SIPA1L2: variants seen among roughly 807,000 people sequenced by gnomAD.
SIPA1L2 encodes the protein signal-induced proliferation-associated 1-like protein 2.
SIPA1L2 carries 56 observed loss-of-function variants against 163.9 expected under a neutral mutation model. The observed-to-expected ratio is 0.34, with a 90% CI of 0.28 to 0.43. The LOEUF (loss-of-function observed/expected upper bound fraction) is 0.43, where lower values mean the gene tolerates loss of function less well. SIPA1L2 is among the 20% of genes least tolerant of loss of function. The pLI is 1.00. For missense variants in SIPA1L2, 1,974 were observed against 2,193.5 expected, an observed-to-expected ratio of 0.90 and a Z score of 2.00; for synonymous variants, 877 against 865.7, an observed-to-expected ratio of 1.01 and a Z score of -0.23.
At chr1:232,560,996 T>C (rs2102744548) in intron 2 of SIPA1L2, among the ~76,000 whole-genome samples, 1 of 152,356 alleles carries the variant, frequency 6.6e-6, no homozygotes, top group Middle Eastern at 3.4e-3. Flanking sequence ...CAATATTTAT[T>C]AAGAATCTAC....
At chr1:232,588,916 CAAT>C (rs1022850536) in intron 1 of SIPA1L2, among the ~76,000 whole-genome samples, 4 of 152,026 alleles carry the variant, frequency 2.6e-5, no homozygotes, top group Non-Finnish European at 5.9e-5. Context: ...ATTTTAAATT[CAAT>C]AATGATTTCT....
intron 1 of SIPA1L2, among the ~76,000 whole-genome samples, chr1:232,623,747 G>T (rs1662935703): frequency 1.3e-5 from 2 of 152,118 alleles, no homozygotes; most frequent in Admixed American, 1.3e-4. Context: ...AATTCTGGAA[G>T]AAAACAGGCC....
At chr1:232,620,031 C>G (rs545857970) in intron 1 of SIPA1L2, among the ~76,000 whole-genome samples, 1 of 152,048 alleles carries the variant, frequency 6.6e-6, no homozygotes, top group Non-Finnish European at 1.5e-5. Flanking sequence ...ATTACAGGCA[C>G]GCGCTGCCAA....
intron 3 of SIPA1L2, among the ~76,000 whole-genome samples, chr1:232,497,416 G>A (rs1019352332): frequency 4.6e-5 from 7 of 152,084 alleles, no homozygotes; most frequent in African/African-American, 1.2e-4. Flanking sequence ...ACAGACAGAC[G>A]CCATGACCAT....
chr1:232,520,886 A>G (rs560553929), intron 2 of SIPA1L2, among the ~76,000 whole-genome samples: 112 of 152,336 alleles, frequency 7.4e-4, no homozygotes, highest in African/African-American at 2.5e-3. Context: ...CCTGGTATTA[A>G]GTGAAATTAT....
chr1:232,449,466 T>C (rs1057508068), intron 10 of SIPA1L2, among the ~76,000 whole-genome samples: 6 of 141,398 alleles, frequency 4.2e-5, no homozygotes, highest in Admixed American at 1.5e-4. Flanking sequence ...TGCAGTGAGC[T>C]GAGATAGTGC....
At chr1:232,551,928 C>T (rs923241194) in intron 2 of SIPA1L2, among the ~76,000 whole-genome samples, 2 of 152,204 alleles carry the variant, frequency 1.3e-5, no homozygotes, top group African/African-American at 4.8e-5. Context: ...CAACCTCTGC[C>T]TCCTGGGTTT....
intron 1 of SIPA1L2, among the ~76,000 whole-genome samples, chr1:232,628,910 G>A (rs1188947945): frequency 6.7e-6 from 1 of 149,914 alleles, no homozygotes; most frequent in Non-Finnish European, 1.5e-5. Flanking sequence ...ATTCTTTGAG[G>A]GTTTTTTTCC....
In SIPA1L2 at chr1:232,514,015, A is replaced by G; in HGVS notation, c.1325T>C (p.Phe442Ser). ...GCAGTGAGAGCTGAGTGACGATTCG[A>G]AAGAGCAGCTTTCCCCAGAACTGAA... The part of the protein sequence containing the change: ...SSFSSGESCS[F>S]ESSLSSHCTN... The change falls in exon 3 of 23, where the codon TTC (phenylalanine) becomes TCC (serine). Residue 442 changes from phenylalanine to serine, a missense_variant. Transcript: ENST00000674635. 11 of 1,614,224 alleles carry G rather than the reference A, an allele frequency of 6.8e-6. No homozygotes were observed. Among genetic ancestry groups the G allele is most frequent in the Non-Finnish European group, 9.3e-6 (11 of 1,180,034 alleles).
At position 232,439,493 on chromosome 1, in the gene SIPA1L2, C is replaced by T; in HGVS notation, c.3646G>A (p.Gly1216Arg). ...GAGTGACTGGAGCAACTTTTATCCC[C>T]AATCTTCAGAAGAAAGAGGAACAGA... ...KDSPNKLSHI[G>R]DKSCSSHSSS... The change falls in exon 15 of 23, where the codon GGG becomes AGG. Residue 1216 changes from glycine (G) to arginine (R), a missense_variant. Around this residue, in one of 3 missense-constraint regions of SIPA1L2, gnomAD observed 1,079 missense variants for 1,150.7 expected, o/e 0.94. Coordinates refer to ENST00000674635, the MANE Select transcript of SIPA1L2 (RefSeq NM_020808.5). 2 of 1,610,242 alleles carry T rather than the reference C, an allele frequency of 1.2e-6. No individual in the cohort carries two copies. The highest frequency in any genetic ancestry group is 1.7e-6 in the Non-Finnish European group (2 of 1,177,262).
At chr1:232,401,334 A>T (rs1025594999) in intron 22 of SIPA1L2, among the ~76,000 whole-genome samples, 1 of 152,152 alleles carries the variant, frequency 6.6e-6, no homozygotes, top group Non-Finnish European at 1.5e-5. Context: ...AAAACACACG[A>T]CCAGGAAAAC....
intron 16 of SIPA1L2, among the ~76,000 whole-genome samples, chr1:232,431,778 C>T (rs1662257619): frequency 1.3e-5 from 2 of 152,204 alleles, no homozygotes; most frequent in Non-Finnish European, 2.9e-5. Flanking sequence ...TACAAAGCAT[C>T]CTTTCCTACG....
At chr1:232,401,931 ATTTCT>A (rs1198121708) in intron 22 of SIPA1L2, among the ~76,000 whole-genome samples, 1 of 152,206 alleles carries the variant, frequency 6.6e-6, no homozygotes, top group Admixed American at 6.5e-5. Context: ...ACAGAATTTA[ATTTCT>A]TTTGAGGACA....
At chr1:232,522,966 T>C (rs1445676198) in intron 2 of SIPA1L2, among the ~76,000 whole-genome samples, 1 of 152,162 alleles carries the variant, frequency 6.6e-6, no homozygotes, top group Non-Finnish European at 1.5e-5. Context: ...CTGACTGCAG[T>C]GTTTAAGCTG....
chr1:232,566,745 T>A lies in SIPA1L2; in HGVS notation c.-270+7429A>T, dbSNP rs571565453. On this transcript the variant is annotated intron_variant, in intron 2 of 22. Coordinates refer to ENST00000674635, the MANE Select transcript of SIPA1L2 (RefSeq NM_020808.5). ...AATCCAACGTTCACAATACTCAGGG[T>A]TCAGTGTGTTTTTAGAAGTCTGATT... Among the ~76,000 whole-genome samples, 3 of 152,332 alleles carry A rather than the reference T, an allele frequency of 2.0e-5. No homozygotes were observed. The East Asian group carries it at 5.8e-4, about 29-fold the overall frequency.
intron 7 of SIPA1L2, among the ~76,000 whole-genome samples, chr1:232,472,155 G>A (rs1245926303): frequency 6.6e-6 from 1 of 152,202 alleles, no homozygotes; most frequent in Non-Finnish European, 1.5e-5. Flanking sequence ...GATGCTCAGA[G>A]CAGTAACACT....
rs1171302672 is a variant in SIPA1L2, at chr1:232,572,761, ATATATATATATATATATATT to A, written c.-270+1393_-270+1412del. 3.4e-3 allele frequency among the ~76,000 whole-genome samples: 371 copies of A among 108,118 alleles called. 2 individuals carry two copies. Among genetic ancestry groups the A allele is most frequent in the Non-Finnish European group, 5.8e-3 (283 of 48,966 alleles). 70.9% of individuals were successfully genotyped at this position (108,118 alleles called of 152,430 possible). A position where few individuals can be genotyped will look rare whatever the true frequency, so the allele number is the denominator to read the frequency against. On this transcript the variant is annotated intron_variant, in intron 2 of 22. Transcript: ENST00000674635. ...TACATATATATATATATATATATAT[ATATATATATATATATATATT>A]TATTTATTTATTTTTTCCTTGAGAC...
chr1:232,595,180 C>T (rs1476122848), intron 1 of SIPA1L2, among the ~76,000 whole-genome samples: 1 of 152,170 alleles, frequency 6.6e-6, no homozygotes, highest in Non-Finnish European at 1.5e-5. Flanking sequence ...ATCATTGGTC[C>T]ACTGGCTAGT....
chr1:232,428,341 T>C, intron 17 of SIPA1L2, 70 bp downstream of exon 17: 1 of 1,327,212 alleles, frequency 7.5e-7, no homozygotes, highest in Non-Finnish European at 1.0e-6. Context: ...ACCTCTGAGT[T>C]TCTTTAGACT....
Sources: allele counts gnomAD v4.1 joint callset (sites outside exome capture counted in the v4.1 genomes callset), GRCh38; gene constraint gnomAD v4.1.1; regional missense constraint gnomAD v4.1.1; transcripts MANE v1.5; gene names NCBI Gene and HGNC (gene_info 2026-07-23, HGNC 2026-07-21).